The following DAB1 variants were observed in gnomAD, a reference collection of about 807,000 sequenced individuals.
The protein encoded by DAB1 is DAB adaptor protein 1, also known as disabled homolog 1.
A neutral mutation model predicts 64.6 loss-of-function variants in DAB1; 15 were observed. The observed-to-expected ratio is 0.23, with a 90% CI of 0.16 to 0.36. The LOEUF (loss-of-function observed/expected upper bound fraction) is 0.36. DAB1 is among the 10% of genes least tolerant of loss of function. DAB1 has a pLI of 1.00. For synonymous variants in DAB1, 235 were observed against 251.9 expected (o/e 0.93, Z 0.64); for missense variants, 596 against 706.7 (o/e 0.84, Z 1.78).
intron 2 of DAB1, among the ~76,000 whole-genome samples, chr1:57,273,526 C>A (rs959447693): frequency 2.8e-4 from 14 of 49,386 alleles, no homozygotes; most frequent in African/African-American, 1.0e-3. Context: ...AGCCTGACTG[C>A]CTGCCTGCCT....
chr1:58,056,285 T>C (rs1242213551), intron 5 of DAB1: 1 of 1,386,472 alleles, frequency 7.2e-7, no homozygotes, highest in South Asian at 1.2e-5. Context: ...ACATACAGCT[T>C]GGGAAGCACA....
chr1:58,086,243 G>A (rs1269316398), intron 5 of DAB1, among the ~76,000 whole-genome samples: 3 of 152,052 alleles, frequency 2.0e-5, no homozygotes, highest in Admixed American at 6.5e-5. Context: ...GATTACAGGC[G>A]TGAGCCACCG....
upstream of DAB1, among the ~76,000 whole-genome samples, chr1:57,427,722 T>C (rs1452587699): frequency 6.6e-6 from 1 of 152,256 alleles, no homozygotes; most frequent in East Asian, 1.9e-4. Flanking sequence ...AATTGACAAA[T>C]AATGCCTCAA....
At chr1:58,193,548 A>G (rs1034081075) in intron 4 of DAB1, among the ~76,000 whole-genome samples, 2 of 152,174 alleles carry the variant, frequency 1.3e-5, no homozygotes, top group Admixed American at 6.5e-5. Flanking sequence ...TATTATCTCT[A>G]TTTACAAATG....
At chr1:58,182,472 ATCTTTC>A (rs1465089493) in intron 4 of DAB1, among the ~76,000 whole-genome samples, 1 of 151,622 alleles carries the variant, frequency 6.6e-6, no homozygotes, top group Non-Finnish European at 1.5e-5. Flanking sequence ...GGCCCTGTTC[ATCTTTC>A]TCTATTTGTT....
At chr1:58,047,265 AATAAT>A (rs1647298886) in intron 5 of DAB1, among the ~76,000 whole-genome samples, 2 of 152,244 alleles carry the variant, frequency 1.3e-5, no homozygotes, top group South Asian at 4.1e-4. Context: ...AATGAATTTT[AATAAT>A]ATATTTTCTT....
chr1:57,638,288 A>G (rs1646084044), intron 7 of DAB1, among the ~76,000 whole-genome samples: 1 of 152,226 alleles, frequency 6.6e-6, no homozygotes, highest in Admixed American at 6.5e-5. Flanking sequence ...ACAATAAATC[A>G]TGTGTGATAA....
intron 4 of DAB1, among the ~76,000 whole-genome samples, chr1:58,275,316 A>G (rs1259015491): frequency 6.6e-6 from 1 of 152,228 alleles, no homozygotes; most frequent in African/African-American, 2.4e-5. Context: ...CAATAAAGGT[A>G]AAAACAGGTA....
intron 2 of DAB1, among the ~76,000 whole-genome samples, chr1:57,258,375 A>G (rs1182820943): frequency 6.6e-6 from 1 of 152,054 alleles, no homozygotes; most frequent in African/African-American, 2.4e-5. Context: ...TGCCTGATCA[A>G]TCATCATCCT....
intron 1 of DAB1, among the ~76,000 whole-genome samples, chr1:58,533,646 T>C (rs1481309131): frequency 2.0e-5 from 3 of 152,176 alleles, no homozygotes; most frequent in Non-Finnish European, 4.4e-5. Context: ...AGTATATTAA[T>C]AATTATAGAA....
downstream of DAB1, among the ~76,000 whole-genome samples, chr1:57,824,175 C>T (rs952758065): frequency 6.6e-6 from 1 of 152,174 alleles, no homozygotes; most frequent in African/African-American, 2.4e-5. Flanking sequence ...GTTTAAGCCA[C>T]ATGTCAAAAA....
intron 6 of DAB1, among the ~76,000 whole-genome samples, chr1:57,719,683 C>A (rs1379757056): frequency 6.6e-6 from 1 of 152,236 alleles, no homozygotes; most frequent in Non-Finnish European, 1.5e-5. Flanking sequence ...TCACCTTCCA[C>A]TATGAAGGCC....
At position 57,325,482 on chromosome 1, in the gene DAB1, C is replaced by T. The variant is rs947726725; in HGVS notation, c.-136-34316G>A. Among the ~76,000 whole-genome samples, 4 of 152,320 alleles carry T rather than the reference C, an allele frequency of 2.6e-5. No homozygotes were observed. The South Asian group carries it at 8.3e-4, about 32-fold the overall frequency. Reference sequence around the variant, plus strand: ...GCTTTGGTGTGAGGACTAAATGAACCACTGTGTATAAAGTACCTAATGCGG... The same window carrying T: ...GCTTTGGTGTGAGGACTAAATGAACTACTGTGTATAAAGTACCTAATGCGG... On this transcript the variant is annotated intron_variant, in intron 1 of 14. Transcript: ENST00000371236.
chr1:57,989,489 C>A (rs1271289274), intron 5 of DAB1, among the ~76,000 whole-genome samples: 1 of 152,158 alleles, frequency 6.6e-6, no homozygotes, highest in African/African-American at 2.4e-5. Context: ...CAGCATGACT[C>A]CTAGGGTAAA....
rs1349409020 is a variant in DAB1, at chr1:57,714,001, A to C, written n.552-64336T>G. Among the ~76,000 whole-genome samples the C allele has an allele frequency of 2.0e-5, 3 of 152,288 alleles. No individual in the cohort carries two copies. In the East Asian group the frequency reaches 5.8e-4, roughly 29 times the overall value. The stretch of plus-strand genomic sequence containing the variant: ...GCACCTGTTATATGTCAGGCACAGT[A>C]CCAGGCACTCAGGATACAAGATGAT... On this transcript the variant is annotated intron_variant and non_coding_transcript_variant, in intron 6 of 20. Coordinates refer to the DAB1 transcript ENST00000485760.
intron 5 of DAB1, among the ~76,000 whole-genome samples, chr1:57,975,289 T>C (rs1394162586): frequency 1.3e-5 from 2 of 152,216 alleles, no homozygotes; most frequent in African/African-American, 4.8e-5. Flanking sequence ...CCATCTGTGA[T>C]AATATATTAC....
intron 6 of DAB1, among the ~76,000 whole-genome samples, chr1:57,738,816 T>C (rs576298852): frequency 1.3e-5 from 2 of 152,228 alleles, no homozygotes; most frequent in Admixed American, 6.5e-5. Flanking sequence ...GAGGCAATTA[T>C]TGATTTTTCC....
intron 3 of DAB1, among the ~76,000 whole-genome samples, chr1:58,450,133 T>C (rs988753178): frequency 2.0e-5 from 3 of 152,338 alleles, no homozygotes; most frequent in Non-Finnish European, 4.4e-5. Context: ...TAAAAGCAAC[T>C]GAAAACCCTG....
At chr1:57,207,503 G>A (rs1476158475) in intron 2 of DAB1, among the ~76,000 whole-genome samples, 1 of 126,246 alleles carries the variant, frequency 7.9e-6, no homozygotes, top group African/African-American at 3.0e-5. Context: ...GAGTGCAGTG[G>A]CGGGATCTCG....
Sources: allele counts gnomAD v4.1 joint callset (sites outside exome capture counted in the v4.1 genomes callset), GRCh38; gene constraint gnomAD v4.1.1; transcripts MANE v1.5; gene names NCBI Gene and HGNC (gene_info 2026-07-23, HGNC 2026-07-21).